The following MACROD2 variants were observed in gnomAD, a reference collection of about 807,000 sequenced individuals.
MACROD2 encodes the protein mono-ADP ribosylhydrolase 2.
MACROD2 carries 36 observed loss-of-function variants against 70.4 expected under a neutral mutation model. The ratio of observed to expected loss-of-function variants is 0.51; its 90% CI spans 0.39 to 0.68. MACROD2 has a LOEUF of 0.68. MACROD2 is among the 30% of genes least tolerant of loss of function. The pLI is 0.00. For synonymous variants in MACROD2, 172 were observed against 178.8 expected, an observed-to-expected ratio of 0.96 and a Z score of 0.30; for missense variants, 496 against 538.4, an observed-to-expected ratio of 0.92 and a Z score of 0.78.
chr20:14,055,654 A>T (rs1319512204), intron 2 of MACROD2, among the ~76,000 whole-genome samples: 1 of 152,124 alleles, frequency 6.6e-6, no homozygotes, highest in Non-Finnish European at 1.5e-5. Flanking sequence ...GGCACCTGAC[A>T]CAGACAGCAA....
intron 5 of MACROD2, among the ~76,000 whole-genome samples, chr20:15,133,534 G>C (rs1263527803): frequency 6.6e-6 from 1 of 152,110 alleles, no homozygotes; most frequent in Non-Finnish European, 1.5e-5. Flanking sequence ...TTCCAGAGTG[G>C]ATATATTGAT....
At chr20:15,019,171 G>C (rs977342789) in intron 5 of MACROD2, among the ~76,000 whole-genome samples, 1 of 151,870 alleles carries the variant, frequency 6.6e-6, no homozygotes, top group Admixed American at 6.6e-5. Context: ...ACACGCGCGC[G>C]CGCGCGCGGA....
chr20:15,191,811 T>C (rs1158779693), intron 5 of MACROD2, among the ~76,000 whole-genome samples: 1 of 151,896 alleles, frequency 6.6e-6, no homozygotes, highest in Admixed American at 6.6e-5. Context: ...AGGCAGGAGG[T>C]AGGGATATCT....
chr20:15,938,111 T>A (rs1158319472), intron 12 of MACROD2, among the ~76,000 whole-genome samples: 1 of 151,716 alleles, frequency 6.6e-6, no homozygotes, highest in Non-Finnish European at 1.5e-5. Context: ...AGGAGACAGT[T>A]TGAGGAAGGA....
intron 5 of MACROD2, among the ~76,000 whole-genome samples, chr20:14,940,806 T>C (rs1193398136): frequency 6.6e-6 from 1 of 152,182 alleles, no homozygotes; most frequent in Non-Finnish European, 1.5e-5. Context: ...TTGTATTCTG[T>C]TGAGAATTTT....
At chr20:14,068,453 A>G (rs1188211475) in intron 2 of MACROD2, among the ~76,000 whole-genome samples, 1 of 152,218 alleles carries the variant, frequency 6.6e-6, no homozygotes, top group East Asian at 1.9e-4. Flanking sequence ...CGAACTCCTC[A>G]TTCTAGTAGA....
intron 4 of MACROD2, among the ~76,000 whole-genome samples, chr20:14,617,331 G>A (rs1983541524): frequency 6.6e-6 from 1 of 152,016 alleles, no homozygotes. Context: ...AATGTTTATA[G>A]GAAACCTCTT....
intron 5 of MACROD2, among the ~76,000 whole-genome samples, chr20:15,188,974 C>T (rs1409092355): frequency 1.3e-5 from 2 of 152,138 alleles, no homozygotes; most frequent in African/African-American, 4.8e-5. Flanking sequence ...ATTTATCAAA[C>T]ATTTCTGGTT....
intron 8 of MACROD2, among the ~76,000 whole-genome samples, chr20:15,655,048 T>C (rs6043414): frequency 0.013 from 1,906 of 152,220 alleles, 35 homozygotes; most frequent in African/African-American, 0.042. Flanking sequence ...TAGCAGTTCA[T>C]AGAAATGGCA....
intron 3 of MACROD2, among the ~76,000 whole-genome samples, chr20:14,285,281 A>G (rs1334849981): frequency 6.6e-6 from 1 of 152,224 alleles, no homozygotes; most frequent in Non-Finnish European, 1.5e-5. Context: ...CTTTGTAACC[A>G]TAACTTGAAG....
At chr20:15,742,608 T>TA (rs927524269) in intron 8 of MACROD2, among the ~76,000 whole-genome samples, 1 of 152,172 alleles carries the variant, frequency 6.6e-6, no homozygotes, top group African/African-American at 2.4e-5. Flanking sequence ...AGGAGACATT[T>TA]AAAAAAACTG....
At chr20:14,128,317 A>G (rs2054676880) in intron 3 of MACROD2, 1 of 176,722 alleles carries the variant, frequency 5.7e-6, no homozygotes, top group Non-Finnish European at 1.2e-5. Flanking sequence ...CAAACTATGA[A>G]CAACAGTGGA....
chr20:14,470,666 G>A (rs1473110945), intron 3 of MACROD2, among the ~76,000 whole-genome samples: 2 of 152,102 alleles, frequency 1.3e-5, no homozygotes, highest in East Asian at 1.9e-4. Flanking sequence ...CAGTGGCTTT[G>A]CCAAACTGTG....
intron 5 of MACROD2, among the ~76,000 whole-genome samples, chr20:15,159,701 A>G (rs1034064106): frequency 5.9e-5 from 9 of 151,818 alleles, no homozygotes; most frequent in African/African-American, 1.9e-4. Flanking sequence ...TAGTTCCCTT[A>G]TCCTAAGGGA....
At chr20:15,345,184 G>A (rs562321400) in intron 6 of MACROD2, among the ~76,000 whole-genome samples, 17 of 152,272 alleles carry the variant, frequency 1.1e-4, no homozygotes, top group African/African-American at 3.9e-4. Flanking sequence ...ATGCCATCAC[G>A]TTAGGGGAAG....
chr20:14,527,862 A>T (rs1023093983), intron 4 of MACROD2, among the ~76,000 whole-genome samples: 3 of 152,122 alleles, frequency 2.0e-5, no homozygotes, highest in East Asian at 1.9e-4. Flanking sequence ...AACACTTCTC[A>T]TGTCCACTTA....
intron 8 of MACROD2, among the ~76,000 whole-genome samples, chr20:15,524,528 A>G (rs552450872): frequency 5.9e-5 from 9 of 152,200 alleles, no homozygotes; most frequent in African/African-American, 1.7e-4. Flanking sequence ...TGGGCCAGAT[A>G]TAGCTAATGG....
chr20:15,428,228 A>C (rs2046323445), intron 6 of MACROD2, among the ~76,000 whole-genome samples: 1 of 152,248 alleles, frequency 6.6e-6, no homozygotes, highest in Non-Finnish European at 1.5e-5. Flanking sequence ...CAGTGCTCAG[A>C]GTAGTTCAGT....
intron 5 of MACROD2, among the ~76,000 whole-genome samples, chr20:14,767,189 A>G (rs949846186): frequency 6.6e-6 from 1 of 152,122 alleles, no homozygotes; most frequent in Non-Finnish European, 1.5e-5. Flanking sequence ...TCAATAATGT[A>G]TTTATTTATT....
Sources: allele counts gnomAD v4.1 joint callset (sites outside exome capture counted in the v4.1 genomes callset), GRCh38; gene constraint gnomAD v4.1.1; transcripts MANE v1.5; gene names NCBI Gene and HGNC (gene_info 2026-07-23, HGNC 2026-07-21).